Variants in EML5 observed in about 807,000 individuals in gnomAD.
EML5 encodes EMAP like 5.
Under a neutral mutation model 250.0 loss-of-function variants are expected in EML5, and 120 were observed. The ratio of observed to expected loss-of-function variants is 0.48; its 90% confidence interval spans 0.41 to 0.56. EML5 has a LOEUF of 0.56. Ranked by LOEUF, EML5 falls within the 20% of genes least tolerant of loss-of-function variation. The probability of loss-of-function intolerance (pLI) is 0.00; values close to 1 mark genes in which losing one functional copy is unlikely to be tolerated. For synonymous variants in EML5, 771 were observed against 806.5 expected (o/e 0.96, Z 0.75); for missense variants, 2,006 against 2,437.6 (o/e 0.82, Z 3.73).
At chr14:88,641,494 C>T (rs928619429) in intron 31 of EML5, among the ~76,000 whole-genome samples, 8 of 152,108 alleles carry the variant, frequency 5.3e-5, no homozygotes, top group African/African-American at 1.9e-4. Context: ...TTTCATCATT[C>T]CTGGCATGCA....
rs761606174 is a variant in EML5 at position 88,615,713 on chromosome 14, TAC to T, written c.*103_*104del. Reference sequence around the variant, plus strand: ...GATGATTCTGGGCATTTCTCCCTGTTACAGTCTTGGGTTAGCACCACTTGACC... The same window carrying T: ...GATGATTCTGGGCATTTCTCCCTGTTAGTCTTGGGTTAGCACCACTTGACC... On this transcript the variant is annotated 3_prime_UTR_variant, in exon 44 of 44. Coordinates refer to ENST00000554922, the MANE Select transcript of EML5 (RefSeq NM_183387.3). 8 of 1,027,426 alleles carry T rather than the reference TAC, an allele frequency of 7.8e-6. No individual in the cohort carries two copies. The highest frequency in any genetic ancestry group is 1.1e-5 in the Non-Finnish European group (8 of 695,700). The allele number at this position is 1,027,426 out of a possible 1,614,324, so 63.6% of individuals were successfully genotyped here. A position where few individuals can be genotyped will look rare whatever the true frequency, so the allele number is the denominator to read the frequency against.
intron 1 of EML5, among the ~76,000 whole-genome samples, chr14:88,784,554 C>T (rs1216466586): frequency 2.0e-5 from 3 of 152,060 alleles, no homozygotes; most frequent in Non-Finnish European, 4.4e-5. Flanking sequence ...GAACAAATTC[C>T]TAGACATATA....
intron 1 of EML5, among the ~76,000 whole-genome samples, chr14:88,760,335 A>T (rs935341172): frequency 1.6e-5 from 2 of 127,726 alleles, no homozygotes; most frequent in East Asian, 5.6e-4. Context: ...AGTGTAATGT[A>T]GGTTATAGTT....
intron 2 of EML5, among the ~76,000 whole-genome samples, chr14:88,751,419 G>A (rs945535806): frequency 1.6e-4 from 24 of 152,156 alleles, no homozygotes; most frequent in Non-Finnish European, 3.1e-4. Context: ...GAGAGTGCCA[G>A]TAATTCAATC....
intron 24 of EML5, among the ~76,000 whole-genome samples, 172 bp from the exon 25 acceptor site, chr14:88,662,002 C>T (rs2092117342): frequency 6.6e-6 from 1 of 152,106 alleles, no homozygotes; most frequent in Admixed American, 6.6e-5. Flanking sequence ...CCAGAGCCTA[C>T]TAATTGCTGC....
chr14:88,734,000 C>T (rs1308984411), intron 7 of EML5, among the ~76,000 whole-genome samples: 1 of 151,520 alleles, frequency 6.6e-6, no homozygotes, highest in Non-Finnish European at 1.5e-5. Flanking sequence ...CCTAAAACAA[C>T]CTACACGAAG....
rs2092850574 is a variant in EML5 at position 88,687,109 on chromosome 14, A to G, written c.2854+107T>C. On this transcript the variant is annotated intron_variant, in intron 19 of 43. Transcript: ENST00000554922. ...TTCTTCCACTTAATTCTGATGCCCA[A>G]CAAGACGGAAAAATACATGCCATGT... 4.8e-6 allele frequency: 4 copies of G among 839,320 alleles called. No individual in the cohort carries two copies. The South Asian group carries it at 6.9e-5, about 14-fold the overall frequency. The allele number at this position is 839,320 out of a possible 1,614,324, so 52.0% of individuals were successfully genotyped here.
intron 17 of EML5, among the ~76,000 whole-genome samples, chr14:88,692,290 T>C (rs527752095): frequency 6.6e-6 from 1 of 152,054 alleles, no homozygotes; most frequent in African/African-American, 2.4e-5. Flanking sequence ...GGCAGGAGAA[T>C]CACTTGAACC....
chr14:88,716,436 C>T (rs761545020), intron 8 of EML5, among the ~76,000 whole-genome samples: 5 of 152,056 alleles, frequency 3.3e-5, no homozygotes, highest in Non-Finnish European at 7.4e-5. Flanking sequence ...ATCCATATAC[C>T]GTATTGCCCT....
intron 10 of EML5, among the ~76,000 whole-genome samples, chr14:88,706,960 A>ATT: frequency 1.3e-5 from 2 of 152,232 alleles, no homozygotes; most frequent in African/African-American, 2.4e-5. Context: ...AATCAAAGTC[A>ATT]AATATGCCCA....
chr14:88,695,472 G>C lies in EML5; in HGVS notation c.2345-18C>G, dbSNP rs1186307227. 1.9e-6 allele frequency: 3 copies of C among 1,600,580 alleles called. No homozygotes were observed. The highest frequency in any genetic ancestry group is 2.6e-6 in the Non-Finnish European group (3 of 1,171,192). On this transcript the variant is annotated intron_variant, in intron 15 of 43. Coordinates refer to ENST00000554922, the MANE Select transcript of EML5 (RefSeq NM_183387.3). ...CCCATCCGCTGTGGAAAATTAATGA[G>C]AGAGATAAACTGACTATTAACATTC...
chr14:88,727,798 C>T (rs1345536817), intron 7 of EML5, among the ~76,000 whole-genome samples: 4 of 152,086 alleles, frequency 2.6e-5, no homozygotes, highest in South Asian at 2.1e-4. Context: ...TGTAGACACA[C>T]ATATGTATAT....
intron 32 of EML5, among the ~76,000 whole-genome samples, chr14:88,635,199 T>C (rs935631944): frequency 2.0e-5 from 3 of 152,180 alleles, no homozygotes; most frequent in South Asian, 2.1e-4. Flanking sequence ...CAGGTGATTG[T>C]TTTTTGCTTT....
chr14:88,699,486 G>A (rs1007640061), intron 14 of EML5, among the ~76,000 whole-genome samples: 1 of 151,936 alleles, frequency 6.6e-6, no homozygotes, highest in Non-Finnish European at 1.5e-5. Flanking sequence ...ATAGCTTGTG[G>A]CTATTTAGAC....
chr14:88,772,141 T>C (rs2094399340), intron 1 of EML5, among the ~76,000 whole-genome samples: 1 of 152,196 alleles, frequency 6.6e-6, no homozygotes, highest in Non-Finnish European at 1.5e-5. Flanking sequence ...AGAAGCTAAA[T>C]TTCATCCTCA....
At chr14:88,700,048 A>G (rs1320747178) in intron 14 of EML5, among the ~76,000 whole-genome samples, 2 of 152,146 alleles carry the variant, frequency 1.3e-5, no homozygotes, top group Non-Finnish European at 1.5e-5. Context: ...CGATAGTGGC[A>G]GCCAGTCTGA....
chr14:88,667,312 T>C (rs1007254702), intron 21 of EML5, among the ~76,000 whole-genome samples: 1 of 152,320 alleles, frequency 6.6e-6, no homozygotes, highest in East Asian at 1.9e-4. Context: ...TTATACAAGT[T>C]TGTTGGAGGT....
At chr14:88,669,559 A>G (rs986621767) in intron 21 of EML5, among the ~76,000 whole-genome samples, 1 of 152,178 alleles carries the variant, frequency 6.6e-6, no homozygotes, top group Non-Finnish European at 1.5e-5. Context: ...CAGCAACTCC[A>G]GCCAGAGGTT....
At chr14:88,734,680 C>T (rs1305117107) in intron 7 of EML5, among the ~76,000 whole-genome samples, 1 of 152,102 alleles carries the variant, frequency 6.6e-6, no homozygotes, top group Non-Finnish European at 1.5e-5. Context: ...AGGAGTACAT[C>T]ACCACCTAGG....
Sources: gnomAD v4.1 joint callset for allele counts (sites outside exome capture counted in the v4.1 genomes callset) on GRCh38, gnomAD v4.1.1 for gene constraint, MANE v1.5 for transcripts, NCBI Gene and HGNC (gene_info 2026-07-23, HGNC 2026-07-21) for gene names.